NCKAP5: variants seen among roughly 807,000 people sequenced by gnomAD.
NCKAP5 encodes nck-associated protein 5.
NCKAP5 carries 92 observed loss-of-function variants against 167.0 expected under a neutral mutation model. That is an observed-to-expected ratio of 0.55 (90% CI 0.47 to 0.66). NCKAP5 has a LOEUF of 0.66. Ranked by LOEUF, NCKAP5 falls within the 30% of genes least tolerant of loss-of-function variation. The pLI, the probability that NCKAP5 is intolerant of heterozygous loss-of-function variation, is 0.00. For synonymous variants in NCKAP5, 891 were observed against 877.4 expected (o/e 1.02, Z -0.27); for missense variants, 2,378 against 2,315.0 (o/e 1.03, Z -0.56).
intron 16 of NCKAP5, among the ~76,000 whole-genome samples, chr2:132,754,815 T>C (rs1436649565): frequency 6.6e-6 from 1 of 152,240 alleles, no homozygotes; most frequent in South Asian, 2.1e-4. Context: ...GCCAGGGAAA[T>C]ATGAACTTTT....
chr2:132,856,904 A>G (rs972571929), intron 11 of NCKAP5, among the ~76,000 whole-genome samples: 7 of 152,106 alleles, frequency 4.6e-5, no homozygotes, highest in African/African-American at 1.7e-4. Context: ...ATTTCAACAG[A>G]TTTTCAGGTT....
At chr2:133,611,620 C>T in the NCKAP5 span, among the ~76,000 whole-genome samples, 2 of 152,098 alleles carry the variant, frequency 1.3e-5, no homozygotes, top group Admixed American at 6.6e-5. Flanking sequence ...CATGAAATGA[C>T]ATGATGTCTG....
intron 8 of NCKAP5, among the ~76,000 whole-genome samples, chr2:132,901,419 A>G (rs965924286): frequency 2.0e-4 from 31 of 152,190 alleles, no homozygotes; most frequent in Non-Finnish European, 1.3e-4. Context: ...GATCGTGGTT[A>G]CCACTCCATA....
chr2:132,922,575 CT>C (rs1695528075), intron 8 of NCKAP5, among the ~76,000 whole-genome samples: 1 of 152,208 alleles, frequency 6.6e-6, no homozygotes, highest in African/African-American at 2.4e-5. Flanking sequence ...CATGGGCAAC[CT>C]GTGCTCCAGC....
intron 6 of NCKAP5, among the ~76,000 whole-genome samples, chr2:132,999,910 A>G (rs140948734): frequency 0.015 from 2,285 of 152,312 alleles, 52 homozygotes; most frequent in African/African-American, 0.052. Context: ...GAAGCCACTC[A>G]AGAAGTTATT....
At chr2:133,647,434 A>AAAGG in the NCKAP5 span, among the ~76,000 whole-genome samples, 1,150 of 91,788 alleles carry the variant, frequency 0.013, 75 homozygotes, top group African/African-American at 0.039. Context: ...AGAAAGGAAG[A>AAAGG]AAGAAAGAAA....
In NCKAP5 at chr2:133,546,599, A is replaced by G. The variant is rs186032170; in HGVS notation, c.-62+12451T>C. 6.2e-3 allele frequency among the ~76,000 whole-genome samples: 942 copies of G among 152,280 alleles called. 26 individuals are homozygous for G. The highest frequency in any genetic ancestry group is 0.054 in the Admixed American group (828 of 15,296). ...TTGGAAGAGCAGAGGGCAGTGCTCAATGATTGAGGGATGCCCCCACCCTGT... is the reference window on the plus strand; with the variant it reads ...TTGGAAGAGCAGAGGGCAGTGCTCAGTGATTGAGGGATGCCCCCACCCTGT... On this transcript the variant is annotated intron_variant, in intron 2 of 19. Transcript: ENST00000409261.
At chr2:133,445,522 C>CT (rs1186082906) in intron 3 of NCKAP5, among the ~76,000 whole-genome samples, 1 of 152,218 alleles carries the variant, frequency 6.6e-6, no homozygotes, top group African/African-American at 2.4e-5. Context: ...ACTTCAAACT[C>CT]TAAATCCTTC....
intron 6 of NCKAP5, among the ~76,000 whole-genome samples, chr2:133,001,412 GT>G (rs1219980646): frequency 6.6e-6 from 1 of 151,964 alleles, no homozygotes; most frequent in Non-Finnish European, 1.5e-5. Context: ...GAGAGACAGG[GT>G]TTTGCCATGT....
chr2:132,972,623 A>G (rs560164341), intron 7 of NCKAP5, among the ~76,000 whole-genome samples: 51 of 152,250 alleles, frequency 3.3e-4, no homozygotes, highest in African/African-American at 1.2e-3. Flanking sequence ...GCACTTTGGG[A>G]GGCTGAGGCG....
At chr2:133,658,134 C>T in the NCKAP5 span, among the ~76,000 whole-genome samples, 9 of 130,122 alleles carry the variant, frequency 6.9e-5, no homozygotes, top group South Asian at 2.3e-3. Context: ...TTTAGGCTAA[C>T]ATTGAAGGGT....
At chr2:133,087,075 ATC>A (rs1209575518) in intron 6 of NCKAP5, among the ~76,000 whole-genome samples, 1 of 152,204 alleles carries the variant, frequency 6.6e-6, no homozygotes, top group Non-Finnish European at 1.5e-5. Context: ...AGATCTATTA[ATC>A]TCTGAGTTTA....
At chr2:133,453,874 A>G (rs1482535487) in intron 3 of NCKAP5, among the ~76,000 whole-genome samples, 1 of 151,636 alleles carries the variant, frequency 6.6e-6, no homozygotes, top group African/African-American at 2.4e-5. Flanking sequence ...TGAAAACAAG[A>G]AAGAATTACA....
rs150579227 is a variant in NCKAP5 at position 133,188,389 on chromosome 2, A to G, written c.207+25327T>C. On this transcript the variant is annotated intron_variant, in intron 5 of 19. Coordinates refer to ENST00000409261, the MANE Select transcript of NCKAP5 (RefSeq NM_207363.3). ...AGACAGATCAACGAGACAGAAAGTT[A>G]ACAAGGATATCCAGGAACTGAACCC... is the stretch of plus-strand genomic sequence containing the variant. Among the ~76,000 whole-genome samples the G allele has an allele frequency of 1.7e-3, 261 of 152,206 alleles. 2 individuals carry two copies. The highest frequency in any genetic ancestry group is 6.8e-3 in the Middle Eastern group (2 of 294).
At chr2:133,266,966 GC>G (rs1311880292) in intron 4 of NCKAP5, among the ~76,000 whole-genome samples, 4 of 152,000 alleles carry the variant, frequency 2.6e-5, no homozygotes, top group Non-Finnish European at 2.9e-5. Context: ...CCTCCGCCGG[GC>G]CCCCCCATCA....
intron 3 of NCKAP5, among the ~76,000 whole-genome samples, chr2:133,412,281 G>A (rs1213231076): frequency 2.6e-5 from 4 of 152,164 alleles, no homozygotes; most frequent in Non-Finnish European, 5.9e-5. Flanking sequence ...CTGCAACCTC[G>A]AAGAGGTCCT....
chr2:133,292,096 G>A (rs1309972755), intron 4 of NCKAP5, among the ~76,000 whole-genome samples: 2 of 152,084 alleles, frequency 1.3e-5, no homozygotes, highest in Non-Finnish European at 2.9e-5. Context: ...TGGGGTTGGG[G>A]GACAGAGGTA....
intron 2 of NCKAP5, among the ~76,000 whole-genome samples, chr2:133,552,408 T>C (rs1401355073): frequency 7.1e-6 from 1 of 141,380 alleles, no homozygotes; most frequent in African/African-American, 2.6e-5. Flanking sequence ...TGGAATACTA[T>C]GCAGCCATAA....
intron 19 of NCKAP5, among the ~76,000 whole-genome samples, chr2:132,724,759 G>A (rs937875997): frequency 6.6e-6 from 1 of 152,022 alleles, no homozygotes; most frequent in Non-Finnish European, 1.5e-5. Flanking sequence ...AAGGGACAAA[G>A]TGGTGATTCA....
Sources: allele counts gnomAD v4.1 joint callset (sites outside exome capture counted in the v4.1 genomes callset), GRCh38; gene constraint gnomAD v4.1.1; transcripts MANE v1.5; gene names NCBI Gene and HGNC (gene_info 2026-07-23, HGNC 2026-07-21).